NRXN3: variants seen among roughly 807,000 people sequenced by gnomAD.
The protein encoded by NRXN3 is neurexin III.
Under a neutral mutation model 137.6 loss-of-function variants are expected in NRXN3, and 32 were observed. The observed-to-expected ratio is 0.23, with a 90% CI of 0.18 to 0.31. The LOEUF (loss-of-function observed/expected upper bound fraction) is 0.31. NRXN3 is among the 10% of genes least tolerant of loss of function. The pLI, the probability that NRXN3 is intolerant of heterozygous loss-of-function variation, is 1.00. For missense variants in NRXN3, 1,574 were observed against 2,062.5 expected, an observed-to-expected ratio of 0.76 and a Z score of 4.59; for synonymous variants, 798 against 784.5, an observed-to-expected ratio of 1.02 and a Z score of -0.29.
chr14:78,517,981 T>C (rs570118195), intron 4 of NRXN3, among the ~76,000 whole-genome samples: 2 of 152,256 alleles, frequency 1.3e-5, no homozygotes, highest in South Asian at 4.1e-4. Flanking sequence ...AATGGATCTT[T>C]TGGGAGGTTA....
At chr14:78,670,660 G>C (rs1207980670) in intron 6 of NRXN3, among the ~76,000 whole-genome samples, 5 of 152,218 alleles carry the variant, frequency 3.3e-5, no homozygotes, top group African/African-American at 1.2e-4. Context: ...AGTGTTGCTG[G>C]AGTAATGTAA....
At chr14:78,190,652 TTTACTTACTTACTTACTTAA>T (rs2060638304) in intron 1 of NRXN3, among the ~76,000 whole-genome samples, 1 of 67,432 alleles carries the variant, frequency 1.5e-5, no homozygotes, top group Non-Finnish European at 3.1e-5. Flanking sequence ...TATTTATTTA[TTTACTTACTTACTTACTTAA>T]TTACTTACTT....
intron 5 of NRXN3, among the ~76,000 whole-genome samples, chr14:78,648,999 A>G (rs2097713015): frequency 6.6e-6 from 1 of 152,158 alleles, no homozygotes; most frequent in Non-Finnish European, 1.5e-5. Flanking sequence ...CTGCAATGGC[A>G]TGTAGACTGC....
intron 19 of NRXN3, among the ~76,000 whole-genome samples, chr14:79,763,629 C>T (rs2099046377): frequency 7.2e-6 from 1 of 139,174 alleles, no homozygotes; most frequent in South Asian, 2.4e-4. Context: ...GAGATCAAGA[C>T]CCTGGCAGAT....
chr14:78,329,918 G>A (rs2080582368), intron 4 of NRXN3, among the ~76,000 whole-genome samples: 1 of 152,156 alleles, frequency 6.6e-6, no homozygotes, highest in Non-Finnish European at 1.5e-5. Flanking sequence ...CACTGATAGT[G>A]ATTAGATTTC....
At chr14:78,868,277 A>G (rs1420783388) in intron 10 of NRXN3, among the ~76,000 whole-genome samples, 2 of 152,022 alleles carry the variant, frequency 1.3e-5, no homozygotes, top group East Asian at 3.9e-4. Context: ...ACTTGATTAA[A>G]TATTAGTTCC....
At chr14:78,602,140 C>G (rs1177638272) in intron 4 of NRXN3, among the ~76,000 whole-genome samples, 3 of 152,166 alleles carry the variant, frequency 2.0e-5, no homozygotes, top group African/African-American at 7.2e-5. Context: ...ATCCTCCTTT[C>G]AAACACTCAC....
At chr14:78,250,171 G>C (rs1282268954) in intron 2 of NRXN3, 2 of 485,710 alleles carry the variant, frequency 4.1e-6, no homozygotes, top group Admixed American at 4.3e-5. Flanking sequence ...GCTGCAATTT[G>C]TGTCTAGACA....
intron 10 of NRXN3, among the ~76,000 whole-genome samples, chr14:78,853,612 G>A (rs77308608): frequency 0.028 from 4,191 of 152,032 alleles, 213 homozygotes; most frequent in African/African-American, 0.095. Context: ...GATAAAATAC[G>A]TGTATTACAT....
At chr14:79,032,292 G>A (rs186434815) in intron 15 of NRXN3, among the ~76,000 whole-genome samples, 3 of 152,152 alleles carry the variant, frequency 2.0e-5, no homozygotes, top group Non-Finnish European at 4.4e-5. Context: ...CAAATTCCAG[G>A]CATCAAGTCG....
chr14:79,089,926 CATAA>C (rs1250043796), intron 15 of NRXN3, among the ~76,000 whole-genome samples: 3 of 152,094 alleles, frequency 2.0e-5, no homozygotes, highest in Non-Finnish European at 4.4e-5. Flanking sequence ...CAATCTGAAG[CATAA>C]ATAAAGTAGG....
intron 1 of NRXN3, among the ~76,000 whole-genome samples, chr14:78,180,185 A>G (rs1345676288): frequency 6.6e-6 from 1 of 152,066 alleles, no homozygotes; most frequent in East Asian, 1.9e-4. Flanking sequence ...GCGCTTTTAT[A>G]TTCCTACTTT....
chr14:78,721,656 T>C (rs953346306), intron 8 of NRXN3, among the ~76,000 whole-genome samples: 14 of 152,190 alleles, frequency 9.2e-5, no homozygotes, highest in Admixed American at 2.6e-4. Flanking sequence ...CTGAGTACAC[T>C]TCAGGTCCAT....
chr14:79,471,778 G>T (rs1177743983), intron 16 of NRXN3, among the ~76,000 whole-genome samples: 3 of 152,072 alleles, frequency 2.0e-5, no homozygotes, highest in Non-Finnish European at 4.4e-5. Context: ...TGAGTAACTG[G>T]GGCAAATGAA....
intron 8 of NRXN3, among the ~76,000 whole-genome samples, chr14:78,778,085 A>T (rs2098750616): frequency 6.6e-6 from 1 of 152,226 alleles, no homozygotes; most frequent in Non-Finnish European, 1.5e-5. Flanking sequence ...ATTCTTACAA[A>T]GACATGTGAA....
intron 16 of NRXN3, among the ~76,000 whole-genome samples, chr14:79,638,849 G>A (rs942302501): frequency 6.6e-6 from 1 of 152,198 alleles, no homozygotes; most frequent in Non-Finnish European, 1.5e-5. Context: ...TGCCATCATG[G>A]CAAAAAATAG....
intron 15 of NRXN3, among the ~76,000 whole-genome samples, chr14:79,241,783 C>T (rs2074344860): frequency 6.6e-6 from 1 of 152,062 alleles, no homozygotes; most frequent in Admixed American, 6.6e-5. Flanking sequence ...AAATTAAATG[C>T]TGGCCAGGTA....
intron 15 of NRXN3, among the ~76,000 whole-genome samples, chr14:79,457,909 C>G (rs1002390331): frequency 2.6e-5 from 4 of 152,144 alleles, no homozygotes; most frequent in Non-Finnish European, 5.9e-5. Context: ...AATCATGTCT[C>G]ATGTCATCAG....
At chr14:78,867,904 G>C (rs2099091272) in intron 10 of NRXN3, among the ~76,000 whole-genome samples, 1 of 150,168 alleles carries the variant, frequency 6.7e-6, no homozygotes, top group African/African-American at 2.4e-5. Flanking sequence ...ATAAATATAT[G>C]CTTCTTTATG....
Sources: allele counts gnomAD v4.1 joint callset (sites outside exome capture counted in the v4.1 genomes callset), GRCh38; gene constraint gnomAD v4.1.1; transcripts MANE v1.5; gene names NCBI Gene and HGNC (gene_info 2026-07-23, HGNC 2026-07-21).